COLEC10: variants seen among roughly 807,000 people sequenced by gnomAD.
The protein encoded by COLEC10 is collectin subfamily member 10.
Under a neutral mutation model 28.4 loss-of-function variants are expected in COLEC10, and 22 were observed. The ratio of observed to expected loss-of-function variants is 0.78; its 90% CI spans 0.55 to 1.11. The LOEUF (loss-of-function observed/expected upper bound fraction) is 1.11, where lower values mean the gene tolerates loss of function less well. Ranked by LOEUF, COLEC10 falls within the 50% of genes least tolerant of loss-of-function variation. The pLI is 0.00. For missense variants in COLEC10, 361 were observed against 344.1 expected, an observed-to-expected ratio of 1.05 and a Z score of -0.39; for synonymous variants, 125 against 116.1, an observed-to-expected ratio of 1.08 and a Z score of -0.49.
intron 2 of COLEC10, among the ~76,000 whole-genome samples, chr8:119,040,115 C>A (rs1055077723): frequency 6.6e-6 from 1 of 152,158 alleles, no homozygotes; most frequent in African/African-American, 2.4e-5. Flanking sequence ...TCTTCTATCT[C>A]TAGCCCAATT....
At chr8:119,017,468 A>C (rs74405952) in intron 2 of COLEC10, among the ~76,000 whole-genome samples, 2,554 of 152,294 alleles carry the variant, frequency 0.017, 31 homozygotes, top group Middle Eastern at 0.031. Context: ...TGGTGCTTGA[A>C]GAATTGTGTC....
At chr8:118,981,864 G>A in the COLEC10 span, among the ~76,000 whole-genome samples, 3 of 152,054 alleles carry the variant, frequency 2.0e-5, no homozygotes, top group Non-Finnish European at 4.4e-5. Flanking sequence ...GGTGAGTTGC[G>A]AAGGATTTGC....
intron 1 of COLEC10, among the ~76,000 whole-genome samples, chr8:119,084,569 G>A (rs991520988): frequency 3.3e-5 from 5 of 152,120 alleles, no homozygotes; most frequent in African/African-American, 7.2e-5. Flanking sequence ...ATATAGCACA[G>A]CAGTGTGGGC....
intron 2 of COLEC10, among the ~76,000 whole-genome samples, chr8:119,035,665 G>A (rs558586533): frequency 1.3e-5 from 2 of 152,340 alleles, no homozygotes; most frequent in African/African-American, 4.8e-5. Context: ...GAAGGTAGGA[G>A]TGGCCTTCCT....
intron 1 of COLEC10, among the ~76,000 whole-genome samples, chr8:119,002,753 C>G (rs1242378410): frequency 6.6e-6 from 1 of 152,088 alleles, no homozygotes; most frequent in East Asian, 1.9e-4. Flanking sequence ...CCCAGGCTAG[C>G]TAGAAAACAG....
chr8:119,078,337 G>A (rs2465402), intron 1 of COLEC10, among the ~76,000 whole-genome samples: 150,419 of 152,352 alleles, frequency 0.99, 74,261 homozygotes, highest in East Asian at 1. Context: ...AGAGGAGCCA[G>A]TGGAAGTCTT....
At chr8:119,004,509 C>T (rs896637294) in intron 1 of COLEC10, among the ~76,000 whole-genome samples, 1 of 151,228 alleles carries the variant, frequency 6.6e-6, no homozygotes, top group Non-Finnish European at 1.5e-5. Context: ...AGGTCTCTCC[C>T]TTGAACTCCG....
At chr8:119,005,438 A>T (rs1813776947) in intron 1 of COLEC10, among the ~76,000 whole-genome samples, 1 of 152,112 alleles carries the variant, frequency 6.6e-6, no homozygotes. Flanking sequence ...TCATCAAAGC[A>T]TGGTGCACGC....
intron 1 of COLEC10, among the ~76,000 whole-genome samples, chr8:119,009,053 C>T (rs919119681): frequency 4.6e-5 from 7 of 151,014 alleles, no homozygotes; most frequent in South Asian, 4.1e-4. Context: ...CAGTGCCTTT[C>T]GTACTGATAC....
intron 1 of COLEC10, chr8:119,067,699 C>G (rs752182277): frequency 2.7e-5 from 9 of 337,998 alleles, no homozygotes; most frequent in African/African-American, 4.2e-5. Flanking sequence ...ATTCCCTGTT[C>G]CATTCTGCTC....
chr8:119,039,054 C>T (rs992817535), intron 2 of COLEC10, among the ~76,000 whole-genome samples: 1 of 152,124 alleles, frequency 6.6e-6, no homozygotes, highest in African/African-American at 2.4e-5. Context: ...GGCTCACAGT[C>T]TGTAGCATGA....
intron 2 of COLEC10, among the ~76,000 whole-genome samples, chr8:119,021,921 A>G (rs1365615802): frequency 1.3e-5 from 2 of 152,178 alleles, no homozygotes; most frequent in Non-Finnish European, 2.9e-5. Flanking sequence ...AAGTGAATGT[A>G]TATGAAACAG....
At chr8:119,071,246 T>C (rs935573855) in intron 1 of COLEC10, among the ~76,000 whole-genome samples, 1 of 152,222 alleles carries the variant, frequency 6.6e-6, no homozygotes, top group Non-Finnish European at 1.5e-5. Flanking sequence ...ACTTCATTAA[T>C]TTGTTTGGAA....
chr8:119,061,501 T>C (rs1377483064), intron 2 of COLEC10, among the ~76,000 whole-genome samples: 1 of 150,548 alleles, frequency 6.6e-6, no homozygotes, highest in Non-Finnish European at 1.5e-5. Flanking sequence ...CTATAGAAAG[T>C]GTAGAAAATG....
chr8:119,021,533 A>G (rs1814094697), intron 2 of COLEC10, among the ~76,000 whole-genome samples: 3 of 152,192 alleles, frequency 2.0e-5, no homozygotes, highest in African/African-American at 4.8e-5. Flanking sequence ...CTTTCTGGGG[A>G]GAGGAATGGA....
At chr8:118,960,611 C>T in the COLEC10 span, among the ~76,000 whole-genome samples, 10 of 151,754 alleles carry the variant, frequency 6.6e-5, no homozygotes, top group Middle Eastern at 6.8e-3. Context: ...AGTGAAACCC[C>T]GTCTCTACTA....
chr8:118,969,780 C>A, the COLEC10 span, among the ~76,000 whole-genome samples: 4 of 151,406 alleles, frequency 2.6e-5, no homozygotes, highest in Non-Finnish European at 4.4e-5. Context: ...ATTTATTACA[C>A]GCACTGTAGC....
chr8:118,980,180 C>A, the COLEC10 span, among the ~76,000 whole-genome samples: 1 of 149,948 alleles, frequency 6.7e-6, no homozygotes, highest in African/African-American at 2.5e-5. Flanking sequence ...ATCGGGAGAT[C>A]TTTTTAGTAC....
chr8:118,961,668 C>A, the COLEC10 span, among the ~76,000 whole-genome samples: 1 of 152,182 alleles, frequency 6.6e-6, no homozygotes, highest in South Asian at 2.1e-4. Context: ...TGGAGTCCTA[C>A]CTTTTCTGGC....
Sources: allele counts gnomAD v4.1 joint callset (sites outside exome capture counted in the v4.1 genomes callset), GRCh38; gene constraint gnomAD v4.1.1; transcripts MANE v1.5; gene names NCBI Gene and HGNC (gene_info 2026-07-23, HGNC 2026-07-21).